CNTN5: variants seen among roughly 807,000 people sequenced by gnomAD.
CNTN5 encodes the protein contactin 5.
Under a neutral mutation model 129.1 loss-of-function variants are expected in CNTN5, and 77 were observed. The ratio of observed to expected loss-of-function variants is 0.60; its 90% CI spans 0.50 to 0.72. CNTN5 has a LOEUF of 0.72. CNTN5 is among the 30% of genes least tolerant of loss of function. The probability of loss-of-function intolerance (pLI) is 0.00; values close to 1 mark genes in which losing one functional copy is unlikely to be tolerated. For missense variants in CNTN5, 1,478 were observed against 1,328.8 expected (o/e 1.11, Z -1.75); for synonymous variants, 509 against 465.6 (o/e 1.09, Z -1.20).
At chr11:99,439,286 A>G (rs1457542467) in intron 2 of CNTN5, among the ~76,000 whole-genome samples, 1 of 151,822 alleles carries the variant, frequency 6.6e-6, no homozygotes, top group Non-Finnish European at 1.5e-5. Context: ...AGATGTGTAG[A>G]TCTCTGTGTG....
chr11:99,354,743 C>T (rs1413466229), intron 2 of CNTN5, among the ~76,000 whole-genome samples: 1 of 152,146 alleles, frequency 6.6e-6, no homozygotes, highest in Non-Finnish European at 1.5e-5. Context: ...TCCACCATTG[C>T]CTCCCTGGTC....
intron 3 of CNTN5, among the ~76,000 whole-genome samples, chr11:99,793,370 A>AT (rs1291401800): frequency 2.0e-5 from 3 of 149,756 alleles, no homozygotes; most frequent in Non-Finnish European, 3.0e-5. Context: ...TATCTTCTTA[A>AT]TTTTTTAAAA....
intron 7 of CNTN5, among the ~76,000 whole-genome samples, chr11:99,937,737 CA>C (rs1272054021): frequency 3.9e-5 from 6 of 152,174 alleles, no homozygotes; most frequent in Non-Finnish European, 7.3e-5. Flanking sequence ...CGAAGCTTGA[CA>C]AACAGGCCAG....
chr11:99,543,918 C>CAA (rs1417154216), intron 2 of CNTN5, among the ~76,000 whole-genome samples: 2 of 23,160 alleles, frequency 8.6e-5, no homozygotes, highest in African/African-American at 1.1e-4. Flanking sequence ...GAGTCTGTCT[C>CAA]AAAAAAACAA....
At chr11:99,635,768 G>C (rs941597137) in intron 3 of CNTN5, among the ~76,000 whole-genome samples, 7 of 152,030 alleles carry the variant, frequency 4.6e-5, no homozygotes, top group Admixed American at 6.6e-5. Context: ...TTATGTATTT[G>C]TATGTTCATG....
At chr11:99,171,870 T>C (rs1222250673) in intron 1 of CNTN5, among the ~76,000 whole-genome samples, 1 of 152,112 alleles carries the variant, frequency 6.6e-6, no homozygotes, top group East Asian at 1.9e-4. Context: ...ACTTTGAGGA[T>C]TTTAGTCCCA....
At chr11:100,179,019 A>G (rs956300108) in intron 13 of CNTN5, among the ~76,000 whole-genome samples, 4 of 152,118 alleles carry the variant, frequency 2.6e-5, no homozygotes, top group South Asian at 2.1e-4. Flanking sequence ...CAGGAATACA[A>G]TGTGTAATCA....
At chr11:100,029,202 T>C (rs1017320345) in intron 9 of CNTN5, among the ~76,000 whole-genome samples, 2 of 151,774 alleles carry the variant, frequency 1.3e-5, no homozygotes, top group Non-Finnish European at 2.9e-5. Context: ...TCTAAGAAAG[T>C]CTGGTTTTAG....
At chr11:99,025,557 G>T (rs1001991645) in intron 1 of CNTN5, among the ~76,000 whole-genome samples, 1 of 151,634 alleles carries the variant, frequency 6.6e-6, no homozygotes, top group African/African-American at 2.4e-5. Context: ...GATTATATAG[G>T]TGATAAAAAG....
At chr11:99,282,462 C>T (rs1314688474) in intron 1 of CNTN5, among the ~76,000 whole-genome samples, 1 of 151,746 alleles carries the variant, frequency 6.6e-6, no homozygotes, top group Non-Finnish European at 1.5e-5. Context: ...GATTGATATT[C>T]CAAGTAAAGG....
intron 4 of CNTN5, among the ~76,000 whole-genome samples, chr11:99,827,048 A>G (rs1451058662): frequency 1.3e-5 from 2 of 152,100 alleles, no homozygotes; most frequent in Non-Finnish European, 2.9e-5. Flanking sequence ...TGGTCAGAGC[A>G]GCTGTGTTCA....
chr11:100,274,738 G>A (rs748667628), intron 18 of CNTN5, among the ~76,000 whole-genome samples: 1 of 152,134 alleles, frequency 6.6e-6, no homozygotes, highest in South Asian at 2.1e-4. Flanking sequence ...AAAAATAACA[G>A]ATGCTGGCAA....
intron 1 of CNTN5, among the ~76,000 whole-genome samples, chr11:99,138,980 C>T (rs971654068): frequency 2.6e-5 from 4 of 152,134 alleles, no homozygotes; most frequent in Non-Finnish European, 5.9e-5. Context: ...GTAGCTCACT[C>T]CTGTAATCCT....
At chr11:100,207,689 C>G (rs1428271721) in intron 15 of CNTN5, among the ~76,000 whole-genome samples, 2 of 152,022 alleles carry the variant, frequency 1.3e-5, no homozygotes. Context: ...CATTATTTAT[C>G]ATTTGCAAGA....
At chr11:99,771,387 C>T (rs910698813) in intron 3 of CNTN5, among the ~76,000 whole-genome samples, 1 of 151,866 alleles carries the variant, frequency 6.6e-6, no homozygotes, top group Non-Finnish European at 1.5e-5. Flanking sequence ...TACATACATA[C>T]ATATACACAC....
intron 3 of CNTN5, among the ~76,000 whole-genome samples, chr11:99,630,064 G>A (rs1951282495): frequency 6.6e-6 from 1 of 151,536 alleles, no homozygotes; most frequent in African/African-American, 2.4e-5. Context: ...TCCCATGCTA[G>A]ACTGAAAAAA....
At chr11:99,029,026 A>C (rs1863233062) in intron 1 of CNTN5, among the ~76,000 whole-genome samples, 1 of 151,892 alleles carries the variant, frequency 6.6e-6, no homozygotes, top group African/African-American at 2.4e-5. Flanking sequence ...AAAACTTATT[A>C]GCTGTATAAT....
intron 3 of CNTN5, among the ~76,000 whole-genome samples, chr11:99,714,248 C>T (rs545540837): frequency 1.6e-4 from 24 of 151,920 alleles, no homozygotes; most frequent in African/African-American, 2.7e-4. Flanking sequence ...CAAGTGGAAG[C>T]GTTATATTTC....
chr11:99,981,848 T>C (rs560294875), intron 8 of CNTN5, among the ~76,000 whole-genome samples: 19 of 152,350 alleles, frequency 1.2e-4, no homozygotes, highest in African/African-American at 4.3e-4. Flanking sequence ...TGCAAATAAC[T>C]TACCATAATC....
Sources: allele counts gnomAD v4.1 joint callset (sites outside exome capture counted in the v4.1 genomes callset), GRCh38; gene constraint gnomAD v4.1.1; transcripts MANE v1.5; gene names NCBI Gene and HGNC (gene_info 2026-07-23, HGNC 2026-07-21).